Variants in CTXND1 observed in about 807,000 individuals in gnomAD.
The protein encoded by CTXND1 is cortexin domain-containing 1 protein.
intron 1 of CTXND1, among the ~76,000 whole-genome samples, chr15:80,220,149 CT>C (rs111418100): frequency 0.15 from 7,235 of 47,638 alleles, 200 homozygotes; most frequent in East Asian, 0.29. Flanking sequence ...TATCTATCAT[CT>C]ATCTATCTAT....
At chr15:80,243,769 G>C (rs959803556) in intron 1 of CTXND1, among the ~76,000 whole-genome samples, 1 of 152,206 alleles carries the variant, frequency 6.6e-6, no homozygotes, top group Admixed American at 6.5e-5. Flanking sequence ...GTCACAGTGA[G>C]ATGAGTCCCT....
In CTXND1 at chr15:80,220,970, G is replaced by A. The variant is rs113445441; in HGVS notation, c.-217-17230C>T. Among the ~76,000 whole-genome samples the A allele has an allele frequency of 8.1e-3, 1,208 of 150,034 alleles. 20 individuals are homozygous for A. Among genetic ancestry groups the A allele is most frequent in the African/African-American group, 0.028 (1,129 of 40,950 alleles). On this transcript the variant is annotated intron_variant, in intron 1 of 2. Transcript: ENST00000560778. The stretch of plus-strand genomic sequence containing the variant: ...GTCGCCCAGGCTGGAGTGCAGTGGC[G>A]CGATCTCTGCTCACTGCAAGCTCCG...
intron 1 of CTXND1, among the ~76,000 whole-genome samples, chr15:80,222,187 T>G (rs940362888): frequency 2.0e-5 from 3 of 152,196 alleles, no homozygotes; most frequent in Non-Finnish European, 4.4e-5. Flanking sequence ...ATATTCTTTT[T>G]GTAAGGGAAA....
At chr15:80,219,320 C>T (rs770690330) in intron 1 of CTXND1, among the ~76,000 whole-genome samples, 3 of 152,014 alleles carry the variant, frequency 2.0e-5, no homozygotes, top group Admixed American at 6.6e-5. Context: ...TCATTCAACT[C>T]GATGACTTTG....
intron 1 of CTXND1, among the ~76,000 whole-genome samples, chr15:80,220,257 G>T (rs1435360471): frequency 6.6e-6 from 1 of 151,698 alleles, no homozygotes; most frequent in Non-Finnish European, 1.5e-5. Flanking sequence ...TTTTTCATGT[G>T]GGGGGTTTAT....
intron 1 of CTXND1, among the ~76,000 whole-genome samples, chr15:80,228,177 C>A (rs1378437324): frequency 6.6e-6 from 1 of 152,224 alleles, no homozygotes; most frequent in South Asian, 2.1e-4. Context: ...AATTCTAGTT[C>A]TCTTGCTATT....
chr15:80,244,444 G>A lies in CTXND1; in HGVS notation c.-218+7563C>T, dbSNP rs143554361. On this transcript the variant is annotated intron_variant, in intron 1 of 2. Coordinates refer to ENST00000560778, the MANE Select transcript of CTXND1 (RefSeq NM_001352888.2). ...ATGGGAGGCTGAGCTCCTCAGGTGC[G>A]TCACTGGCTGGACTCCATTCTTCCA... 1.2e-4 allele frequency among the ~76,000 whole-genome samples: 19 copies of A among 152,338 alleles called. 1 individual carries two copies. In the East Asian group the frequency reaches 2.9e-3, roughly 23 times the overall value.
At position 80,211,424 on chromosome 15, in the gene CTXND1, G is replaced by A. The variant is rs376830942; in HGVS notation, c.-217-7684C>T. Among the ~76,000 whole-genome samples the A allele has an allele frequency of 5.9e-5, 9 of 152,290 alleles. No individual in the cohort carries two copies. In the East Asian group the frequency reaches 9.7e-4, roughly 16 times the overall value. On this transcript the variant is annotated intron_variant, in intron 1 of 2. Coordinates refer to ENST00000560778, the MANE Select transcript of CTXND1 (RefSeq NM_001352888.2). ...CCCCAAACTGACAAATGGGTTAAAT[G>A]GATGGCATTTGCTCAGGACAGAGAA... is the stretch of plus-strand genomic sequence containing the variant.
intron 1 of CTXND1, among the ~76,000 whole-genome samples, chr15:80,230,561 CCTT>C (rs2142134607): frequency 6.6e-6 from 1 of 152,042 alleles, no homozygotes; most frequent in Admixed American, 6.5e-5. Context: ...TTTATTATTT[CCTT>C]CTTTTGATTT....
chr15:80,210,253 GT>G (rs764343187), intron 1 of CTXND1, among the ~76,000 whole-genome samples: 53 of 152,286 alleles, frequency 3.5e-4, no homozygotes, highest in Non-Finnish European at 6.8e-4. Flanking sequence ...AGCCAGGCTT[GT>G]TCTAGCCAGT....
intron 1 of CTXND1, among the ~76,000 whole-genome samples, chr15:80,234,905 TG>T (rs1331540127): frequency 1.3e-5 from 2 of 152,226 alleles, no homozygotes; most frequent in African/African-American, 4.8e-5. Flanking sequence ...TTTTGTTTCC[TG>T]CTTTTGGGGA....
In CTXND1 at chr15:80,221,134, T is replaced by C. The variant is rs1056344150; in HGVS notation, c.-217-17394A>G. Among the ~76,000 whole-genome samples, 93 of 152,100 alleles carry C rather than the reference T, an allele frequency of 6.1e-4. 2 individuals are homozygous for C. Among genetic ancestry groups the C allele is most frequent in the Admixed American group, 2.6e-3 (39 of 15,292 alleles). ...CCATGTTAGCCAGGATGGTTTCGATTTGCTGACCTCGTGATCCGCCCGCCT... is the reference window on the plus strand; with the variant it reads ...CCATGTTAGCCAGGATGGTTTCGATCTGCTGACCTCGTGATCCGCCCGCCT... On this transcript the variant is annotated intron_variant, in intron 1 of 2. Transcript: ENST00000560778.
intron 1 of CTXND1, among the ~76,000 whole-genome samples, chr15:80,221,978 T>C (rs1352109916): frequency 6.6e-6 from 1 of 152,214 alleles, no homozygotes; most frequent in Non-Finnish European, 1.5e-5. Flanking sequence ...ATAGCTTGTA[T>C]AGGTGTTGCT....
chr15:80,197,858 C>T lies in CTXND1; in HGVS notation c.*3912G>A, dbSNP rs1057063229. 1.3e-5 allele frequency: 2 copies of T among 152,236 alleles called. No homozygotes were observed. Among genetic ancestry groups the T allele is most frequent in the African/African-American group, 4.8e-5 (2 of 41,462 alleles). 9.4% of individuals were successfully genotyped at this position (152,236 alleles called of 1,614,324 possible). A position where few individuals can be genotyped will look rare whatever the true frequency, so the allele number is the denominator to read the frequency against. On this transcript the variant is annotated 3_prime_UTR_variant, in exon 3 of 3. Transcript: ENST00000560778. ...CCAGCCCCTTTTGGATTGATTTAGC[C>T]TCTGAAGTTCTGGAAATTTAATGAG... is the stretch of plus-strand genomic sequence containing the variant.
intron 1 of CTXND1, among the ~76,000 whole-genome samples, chr15:80,220,908 TA>T (rs1416655127): frequency 7.0e-5 from 10 of 141,972 alleles, no homozygotes; most frequent in East Asian, 6.0e-4. Context: ...TTATTATTAT[TA>T]TTATTTTTTT....
chr15:80,217,396 C>T (rs1893264879), intron 1 of CTXND1, among the ~76,000 whole-genome samples: 1 of 151,996 alleles, frequency 6.6e-6, no homozygotes, highest in African/African-American at 2.4e-5. Context: ...ATTCTTACAA[C>T]AATTACTAAG....
intron 1 of CTXND1, among the ~76,000 whole-genome samples, chr15:80,220,117 T>C (rs1028283904): frequency 8.9e-6 from 1 of 112,090 alleles, no homozygotes; most frequent in African/African-American, 3.5e-5. Flanking sequence ...TATCTATCTA[T>C]CTATCTATCT....
At position 80,223,913 on chromosome 15, in the gene CTXND1, A is replaced by C. The variant is rs543359763; in HGVS notation, c.-217-20173T>G. Among the ~76,000 whole-genome samples, 8 of 152,272 alleles carry C rather than the reference A, an allele frequency of 5.3e-5. No individual in the cohort carries two copies. In the South Asian group the frequency reaches 1.7e-3, roughly 32 times the overall value. ...CAAATACTTTGAAGAGGTTGAGTCC[A>C]TGCGTCCCCCCATTGAGCCTGGGTA... On this transcript the variant is annotated intron_variant, in intron 1 of 2. Transcript: ENST00000560778.
chr15:80,213,713 G>A (rs1427003130), intron 1 of CTXND1, among the ~76,000 whole-genome samples: 1 of 152,184 alleles, frequency 6.6e-6, no homozygotes, highest in Non-Finnish European at 1.5e-5. Flanking sequence ...GGCTAGCATA[G>A]GAGTCTCCTC....
Sources: gnomAD v4.1 joint callset for allele counts (sites outside exome capture counted in the v4.1 genomes callset) on GRCh38, gnomAD v4.1.1 for gene constraint, MANE v1.5 for transcripts, NCBI Gene and HGNC (gene_info 2026-07-23, HGNC 2026-07-21) for gene names.